Variants in STARD13 observed in about 807,000 individuals in gnomAD.
STARD13 encodes the protein StAR related lipid transfer domain containing 13, also known as stAR-related lipid transfer protein 13.
In STARD13, 62 loss-of-function variants were observed where a neutral mutation model predicts 106.4. The ratio of observed to expected loss-of-function variants is 0.58; its 90% CI spans 0.48 to 0.72. STARD13 has a LOEUF of 0.72. Among genes scored for constraint, STARD13 ranks in the 30% least tolerant of loss-of-function variants. STARD13 has a pLI of 0.00. For synonymous variants in STARD13, 565 were observed against 553.0 expected (o/e 1.02, Z -0.31); for missense variants, 1,387 against 1,424.0 (o/e 0.97, Z 0.42).
chr13:33,358,407 C>G, the STARD13 span, among the ~76,000 whole-genome samples: 7 of 152,204 alleles, frequency 4.6e-5, no homozygotes, highest in Admixed American at 3.9e-4. Flanking sequence ...CCTGCAGCCC[C>G]GGTGTGGGAT....
At chr13:33,390,158 A>G in the STARD13 span, among the ~76,000 whole-genome samples, 2 of 152,168 alleles carry the variant, frequency 1.3e-5, no homozygotes, top group Non-Finnish European at 2.9e-5. Context: ...TGTCTTTAGT[A>G]CTTACTTTAT....
At chr13:33,465,722 C>A in the STARD13 span, among the ~76,000 whole-genome samples, 1 of 152,230 alleles carries the variant, frequency 6.6e-6, no homozygotes, top group Non-Finnish European at 1.5e-5. Context: ...CGCTAAGAGG[C>A]ATTCCAGACT....
rs1878087056 is a variant in STARD13, at chr13:33,130,243, G to A, written c.434C>T (p.Thr145Ile). ...CCACCTGCGACTGGTTCTTTGGAAA[G>A]TCCATTTGTTGCTGATACAAAGATC... ...EEDLCISNKW[T>I]FQRTSRRWSR... The change falls in exon 5 of 14, where the codon ACT becomes ATT. Residue 145 changes from threonine to isoleucine, a missense_variant. Physicochemically the swap from Thr to Ile is moderately conservative, Grantham distance 89. Transcript: ENST00000336934. This position sits in a 1 kb window ranked among gnomAD's most constrained non-coding sequence, Gnocchi z 4.1. 1 of 1,607,182 alleles carries A rather than the reference G, an allele frequency of 6.2e-7. No homozygotes were observed. Among genetic ancestry groups the A allele is most frequent in the African/African-American group, 1.3e-5 (1 of 75,056 alleles).
chr13:33,292,001 C>T (rs1295553282), intron 1 of STARD13, among the ~76,000 whole-genome samples: 4 of 152,094 alleles, frequency 2.6e-5, no homozygotes, highest in Admixed American at 6.6e-5. Context: ...CTATTTATTT[C>T]TGCCTTGTTA....
At chr13:33,484,183 T>G in the STARD13 span, among the ~76,000 whole-genome samples, 5 of 152,156 alleles carry the variant, frequency 3.3e-5, no homozygotes, top group African/African-American at 7.2e-5. Flanking sequence ...CAGCCAACTT[T>G]GGGAGAAATT....
intron 1 of STARD13, among the ~76,000 whole-genome samples, chr13:33,256,070 T>G (rs1890348262): frequency 6.6e-6 from 1 of 152,220 alleles, no homozygotes; most frequent in South Asian, 2.1e-4. Flanking sequence ...ACTGAAATAC[T>G]AAAGGAGCCA....
At chr13:33,405,286 C>T in the STARD13 span, among the ~76,000 whole-genome samples, 20 of 152,340 alleles carry the variant, frequency 1.3e-4, no homozygotes, top group African/African-American at 3.6e-4. Context: ...GTTTATTTTC[C>T]TCCACACTTC....
At chr13:33,467,080 T>A in the STARD13 span, among the ~76,000 whole-genome samples, 1 of 152,018 alleles carries the variant, frequency 6.6e-6, no homozygotes, top group Non-Finnish European at 1.5e-5. Context: ...TTCAAAAACA[T>A]TACATTTATT....
At chr13:33,215,120 G>GGGGT (rs1887958941) in intron 1 of STARD13, among the ~76,000 whole-genome samples, 1 of 36,832 alleles carries the variant, frequency 2.7e-5, no homozygotes, top group African/African-American at 1.5e-4. Flanking sequence ...ATGAGTACTT[G>GGGGT]GGGGGGGGGG....
the STARD13 span, among the ~76,000 whole-genome samples, chr13:33,362,006 A>G: frequency 2.0e-5 from 3 of 152,264 alleles, no homozygotes; most frequent in Non-Finnish European, 4.4e-5. Flanking sequence ...TTATTTTTAT[A>G]CATCATTTTG....
chr13:33,368,391 T>C, the STARD13 span, among the ~76,000 whole-genome samples: 1 of 152,336 alleles, frequency 6.6e-6, no homozygotes, highest in South Asian at 2.1e-4. Context: ...AGACACTGTG[T>C]TGGGCACATA....
At chr13:33,225,172 G>T (rs1888557487) in intron 1 of STARD13, among the ~76,000 whole-genome samples, 1 of 152,100 alleles carries the variant, frequency 6.6e-6, no homozygotes, top group African/African-American at 2.4e-5. Context: ...ATCAGACACT[G>T]TACTGTGATG....
chr13:33,460,440 G>C, the STARD13 span, among the ~76,000 whole-genome samples: 1 of 150,914 alleles, frequency 6.6e-6, no homozygotes, highest in Non-Finnish European at 1.5e-5. Flanking sequence ...GCAGTGAGCC[G>C]AGATAGTGCC....
the STARD13 span, among the ~76,000 whole-genome samples, chr13:33,551,155 C>T: frequency 6.6e-5 from 10 of 151,822 alleles, no homozygotes; most frequent in Non-Finnish European, 1.0e-4. Context: ...ACAGGCAACC[C>T]GCCATTGGTG....
the STARD13 span, among the ~76,000 whole-genome samples, chr13:33,495,224 T>C: frequency 6.6e-6 from 1 of 152,224 alleles, no homozygotes; most frequent in South Asian, 2.1e-4. Flanking sequence ...ATTGTACCTG[T>C]CAATTAAAAA....
Position 33,130,419 on chromosome 13 carries a change from C to T in STARD13, c.388-130G>A. On this transcript the variant is annotated intron_variant, in intron 4 of 13. Transcript: ENST00000336934. This position sits in a 1 kb window ranked among gnomAD's most constrained non-coding sequence, Gnocchi z 4.1. ...CTGTCCTCCCATGCACAGGTGTGAG[C>T]TTCTTGGGCACCTCTAAGCTGTCCT... The T allele has an allele frequency of 1.2e-6, 1 of 834,894 alleles. No homozygotes were observed. The highest frequency in any genetic ancestry group is 1.9e-6 in the Non-Finnish European group (1 of 539,848). The allele number at this position is 834,894 out of a possible 1,614,324, so 51.7% of individuals were successfully genotyped here.
intron 1 of STARD13, among the ~76,000 whole-genome samples, chr13:33,242,559 C>A (rs111932078): frequency 3.9e-5 from 6 of 152,078 alleles, no homozygotes; most frequent in South Asian, 2.1e-4. Context: ...CAGCATACTC[C>A]TTAAGAGTCA....
At chr13:33,235,998 A>C (rs894181558) in intron 1 of STARD13, among the ~76,000 whole-genome samples, 5 of 152,226 alleles carry the variant, frequency 3.3e-5, no homozygotes, top group Non-Finnish European at 5.9e-5. Context: ...TCCACCCCCC[A>C]AATCAGTTTA....
the STARD13 span, among the ~76,000 whole-genome samples, chr13:33,484,589 C>T: frequency 0.3 from 45,355 of 151,968 alleles, 7,643 homozygotes; most frequent in Non-Finnish European, 0.39. Flanking sequence ...ATTCCCTAGC[C>T]CTGACCTGCC....
Sources: allele counts gnomAD v4.1 joint callset (sites outside exome capture counted in the v4.1 genomes callset), GRCh38; gene constraint gnomAD v4.1.1; non-coding constraint Gnocchi (gnomAD v3.1); transcripts MANE v1.5; gene names NCBI Gene and HGNC (gene_info 2026-07-23, HGNC 2026-07-21).